The following ALK variants were observed in gnomAD, a reference collection of about 807,000 sequenced individuals.
ALK encodes ALK receptor tyrosine kinase, also known as ALK tyrosine kinase receptor.
In ALK, 74 loss-of-function variants were observed where a neutral mutation model predicts 163.1. That is an observed-to-expected ratio of 0.45 (90% confidence interval 0.38 to 0.55). The LOEUF is 0.55. Ranked by LOEUF, ALK falls within the 20% of genes least tolerant of loss-of-function variation. The pLI is 0.00. For synonymous variants in ALK, 960 were observed against 843.2 expected (o/e 1.14, Z -2.40); for missense variants, 2,063 against 2,105.3 (o/e 0.98, Z 0.39).
chr2:29,701,318 C>T (rs1678728067), intron 2 of ALK, among the ~76,000 whole-genome samples: 1 of 152,116 alleles, frequency 6.6e-6, no homozygotes, highest in South Asian at 2.1e-4. Flanking sequence ...AGGTAGAGGA[C>T]CAGCAGCTCC....
At chr2:29,826,381 G>A (rs1267173756) in intron 1 of ALK, among the ~76,000 whole-genome samples, 1 of 150,432 alleles carries the variant, frequency 6.6e-6, no homozygotes, top group Non-Finnish European at 1.5e-5. Flanking sequence ...ATATCACAAT[G>A]ACAAAATTCT....
intron 19 of ALK, among the ~76,000 whole-genome samples, chr2:29,225,115 G>A (rs980677081): frequency 5.3e-5 from 8 of 152,166 alleles, no homozygotes; most frequent in Non-Finnish European, 8.8e-5. Flanking sequence ...CAGGAGCTGC[G>A]CCGGTGGAAG....
intron 4 of ALK, among the ~76,000 whole-genome samples, chr2:29,517,154 C>G (rs1163004920): frequency 2.6e-5 from 4 of 152,178 alleles, no homozygotes; most frequent in Non-Finnish European, 5.9e-5. Flanking sequence ...GAAACACACA[C>G]AGCCAGTGAA....
intron 3 of ALK, among the ~76,000 whole-genome samples, chr2:29,652,598 AAGGC>A (rs1407858378): frequency 2.0e-5 from 3 of 152,192 alleles, no homozygotes; most frequent in Non-Finnish European, 4.4e-5. Context: ...TGGAAAGACC[AAGGC>A]AGGATTAGAA....
chr2:29,225,843 G>C (rs1361178193), intron 18 of ALK, among the ~76,000 whole-genome samples: 7 of 152,162 alleles, frequency 4.6e-5, no homozygotes, highest in Non-Finnish European at 1.0e-4. Flanking sequence ...CACAACTATG[G>C]GGTGAGGATG....
intron 3 of ALK, among the ~76,000 whole-genome samples, chr2:29,618,398 A>G (rs945776454): frequency 6.6e-6 from 1 of 151,568 alleles, no homozygotes; most frequent in African/African-American, 2.4e-5. Flanking sequence ...TCAAGTTGTC[A>G]TCAGTTTGTC....
chr2:29,792,611 T>A (rs1007644981), intron 1 of ALK, among the ~76,000 whole-genome samples: 5 of 152,116 alleles, frequency 3.3e-5, no homozygotes, highest in Admixed American at 6.6e-5. Flanking sequence ...ATGAGCAAAA[T>A]GTGACCATTT....
At chr2:29,902,308 A>T (rs111355502) in intron 1 of ALK, among the ~76,000 whole-genome samples, 72 of 152,268 alleles carry the variant, frequency 4.7e-4, no homozygotes, top group Non-Finnish European at 9.0e-4. Flanking sequence ...AGAAAGCTTG[A>T]ATTTCTCTTT....
In ALK at chr2:29,724,130, C is replaced by T. The variant is rs115235107; in HGVS notation, c.668-6433G>A. Among the ~76,000 whole-genome samples, 1,383 of 152,232 alleles carry T rather than the reference C, an allele frequency of 9.1e-3. 19 individuals are homozygous for T. Among genetic ancestry groups the T allele is most frequent in the African/African-American group, 0.031 (1,292 of 41,520 alleles). ...TGTGTGATGGTTATTTACATGAATG[C>T]CCCAGGCTCACTGGCAAGCATGTTT... On this transcript the variant is annotated intron_variant, in intron 1 of 28. Coordinates refer to ENST00000389048, the MANE Select transcript of ALK (RefSeq NM_004304.5).
At chr2:29,195,466 G>C (rs901638798) in intron 28 of ALK, among the ~76,000 whole-genome samples, 1 of 152,154 alleles carries the variant, frequency 6.6e-6, no homozygotes, top group Admixed American at 6.5e-5. Context: ...AGAAATAGTA[G>C]GTAGGCCAGG....
intron 3 of ALK, among the ~76,000 whole-genome samples, chr2:29,651,434 T>C (rs909954841): frequency 1.3e-5 from 2 of 152,230 alleles, no homozygotes; most frequent in African/African-American, 4.8e-5. Context: ...CAATGTCTTC[T>C]GCGTAGCATC....
chr2:29,578,684 C>T lies in ALK; in HGVS notation c.953-46568G>A, dbSNP rs117579617. 8.5e-4 allele frequency among the ~76,000 whole-genome samples: 129 copies of T among 152,256 alleles called. 1 individual carries two copies. In the East Asian group the frequency reaches 0.023, roughly 27 times the overall value. ...GGTATGTGATGATGAAGGGGTCACC[C>T]GGAATAAAGGGTTCCACTGCAGCAA... is the stretch of plus-strand genomic sequence containing the variant. On this transcript the variant is annotated intron_variant, in intron 3 of 28. Transcript: ENST00000389048.
intron 4 of ALK, among the ~76,000 whole-genome samples, chr2:29,484,921 A>C (rs1004658319): frequency 6.6e-6 from 1 of 152,158 alleles, no homozygotes; most frequent in Non-Finnish European, 1.5e-5. Flanking sequence ...TTCTGATTAT[A>C]GGTAATCCCT....
At chr2:29,631,244 A>G (rs1676364207) in intron 3 of ALK, among the ~76,000 whole-genome samples, 2 of 152,238 alleles carry the variant, frequency 1.3e-5, no homozygotes, top group Admixed American at 6.5e-5. Flanking sequence ...CCCCTAGGCT[A>G]TATCTCATGA....
chr2:29,421,067 G>A (rs995426197), intron 4 of ALK, among the ~76,000 whole-genome samples: 3 of 151,488 alleles, frequency 2.0e-5, no homozygotes, highest in Admixed American at 1.3e-4. Context: ...CAGCTGTGGC[G>A]AAACAGTGTC....
chr2:29,587,276 TC>T lies in ALK; in HGVS notation c.953-55161del, dbSNP rs545329300. 3.3e-5 allele frequency among the ~76,000 whole-genome samples: 5 copies of T among 152,190 alleles called. No individual in the cohort carries two copies. The East Asian group carries it at 5.8e-4, about 18-fold the overall frequency. On this transcript the variant is annotated intron_variant, in intron 3 of 28. Coordinates refer to ENST00000389048, the MANE Select transcript of ALK (RefSeq NM_004304.5). ...ATGTCTTTCAAGCAGCTTCACTTCTTCCTTTGACTTCTTTCAGTCCTGATCT... is the reference window on the plus strand; with the variant it reads ...ATGTCTTTCAAGCAGCTTCACTTCTTCTTTGACTTCTTTCAGTCCTGATCT...
chr2:29,496,728 C>T (rs922332647), intron 4 of ALK, among the ~76,000 whole-genome samples: 1 of 152,156 alleles, frequency 6.6e-6, no homozygotes, highest in Non-Finnish European at 1.5e-5. Flanking sequence ...TTGCCATGTA[C>T]ACCACCACAC....
At chr2:29,846,979 A>C (rs1665860829) in intron 1 of ALK, among the ~76,000 whole-genome samples, 1 of 152,190 alleles carries the variant, frequency 6.6e-6, no homozygotes, top group Non-Finnish European at 1.5e-5. Context: ...TTGTAAACAC[A>C]CGTAAAAAGG....
At chr2:29,521,067 A>C (rs185477138) in intron 4 of ALK, among the ~76,000 whole-genome samples, 1 of 151,994 alleles carries the variant, frequency 6.6e-6, no homozygotes, top group Non-Finnish European at 1.5e-5. Flanking sequence ...TCTCCTTCAC[A>C]CTCCTTTTGG....
Sources: gnomAD v4.1 joint callset for allele counts (sites outside exome capture counted in the v4.1 genomes callset) on GRCh38, gnomAD v4.1.1 for gene constraint, MANE v1.5 for transcripts, NCBI Gene and HGNC (gene_info 2026-07-23, HGNC 2026-07-21) for gene names.